Variants in STK39 observed in about 807,000 individuals in gnomAD.
STK39 encodes the protein STE20/SPS1-related proline-alanine-rich protein kinase.
A neutral mutation model predicts 77.8 loss-of-function variants in STK39; 20 were observed. That is an observed-to-expected ratio of 0.26 (90% CI 0.18 to 0.37). STK39 has a LOEUF of 0.37. STK39 is among the 10% of genes least tolerant of loss of function. The pLI is 1.00. For synonymous variants in STK39, 246 were observed against 234.1 expected, an observed-to-expected ratio of 1.05 and a Z score of -0.47; for missense variants, 479 against 656.5, an observed-to-expected ratio of 0.73 and a Z score of 2.95.
chr2:167,982,586 T>C (rs1423372275), intron 16 of STK39, among the ~76,000 whole-genome samples: 1 of 152,230 alleles, frequency 6.6e-6, no homozygotes, highest in Non-Finnish European at 1.5e-5. Flanking sequence ...GGATGATAAA[T>C]TGATGTGGTC....
Position 168,112,497 on chromosome 2 carries a change from T to C in STK39, c.1089+17044A>G, listed in dbSNP as rs1051938481. Among the ~76,000 whole-genome samples the C allele has an allele frequency of 3.9e-5, 6 of 152,176 alleles. No individual in the cohort carries two copies. The East Asian group carries it at 7.7e-4, about 20-fold the overall frequency. ...CCCTTCTCTCTCTCTCCTGCTGCCA[T>C]GTAAGATGCGTCTTGCTTCCCCTTC... On this transcript the variant is annotated intron_variant, in intron 10 of 17. Transcript: ENST00000355999.
At chr2:168,219,149 G>C (rs527854589) in intron 1 of STK39, among the ~76,000 whole-genome samples, 3 of 152,046 alleles carry the variant, frequency 2.0e-5, no homozygotes, top group Admixed American at 2.0e-4. Flanking sequence ...GGTCAGGCGC[G>C]GTGGCTCATG....
chr2:168,222,014 T>G (rs999884934), intron 1 of STK39, among the ~76,000 whole-genome samples: 2 of 152,162 alleles, frequency 1.3e-5, no homozygotes, highest in Non-Finnish European at 1.5e-5. Flanking sequence ...CTAACCCACA[T>G]GGCACCTTGA....
intron 10 of STK39, among the ~76,000 whole-genome samples, chr2:168,095,623 C>CTTTTTTTTT (rs567675524): frequency 1.7e-5 from 2 of 116,078 alleles, no homozygotes; most frequent in Non-Finnish European, 3.3e-5. Flanking sequence ...GTATCTCTTT[C>CTTTTTTTTT]TTTTTTTTTT....
intron 16 of STK39, among the ~76,000 whole-genome samples, chr2:167,976,933 T>A (rs1169529313): frequency 2.6e-5 from 4 of 152,156 alleles, no homozygotes; most frequent in African/African-American, 9.7e-5. Context: ...GAAGAACCCA[T>A]TGGGATGGTT....
chr2:168,079,313 C>G (rs1303910974), intron 10 of STK39, among the ~76,000 whole-genome samples: 1 of 152,240 alleles, frequency 6.6e-6, no homozygotes, highest in East Asian at 1.9e-4. Flanking sequence ...CTCTACTCCT[C>G]AGCATGCAAG....
At chr2:168,092,858 C>T (rs1559093362) in intron 10 of STK39, among the ~76,000 whole-genome samples, 2 of 152,158 alleles carry the variant, frequency 1.3e-5, no homozygotes, top group Admixed American at 6.5e-5. Flanking sequence ...AAATTCAGAA[C>T]ACGGAAGAGA....
chr2:168,034,876 C>A (rs1684912785), intron 14 of STK39, among the ~76,000 whole-genome samples: 1 of 152,154 alleles, frequency 6.6e-6, no homozygotes, highest in East Asian at 1.9e-4. Context: ...ACTGAGCCAA[C>A]TGGGAGAAAA....
At position 168,145,821 on chromosome 2, in the gene STK39, T is replaced by C. The variant is rs373936170; in HGVS notation, c.629-5063A>G. 7.2e-5 allele frequency among the ~76,000 whole-genome samples: 11 copies of C among 152,126 alleles called. No individual in the cohort carries two copies. In the East Asian group the frequency reaches 1.2e-3, roughly 16 times the overall value. On this transcript the variant is annotated intron_variant, in intron 5 of 17. Coordinates refer to ENST00000355999, the MANE Select transcript of STK39 (RefSeq NM_013233.3). ...ATGCCAGAGGCAGCTGCTGGAAGTA[T>C]TTCTATTATCCAAATCTAAATATAG...
chr2:168,156,502 G>T (rs1337859432), intron 5 of STK39, among the ~76,000 whole-genome samples: 1 of 152,156 alleles, frequency 6.6e-6, no homozygotes, highest in East Asian at 1.9e-4. Flanking sequence ...AACACGGCAG[G>T]AGGTCAGATG....
intron 14 of STK39, among the ~76,000 whole-genome samples, chr2:168,043,407 A>T (rs535814405): frequency 6.6e-6 from 1 of 152,228 alleles, no homozygotes. Context: ...CCCCAGTAAC[A>T]GAATCAATTA....
intron 14 of STK39, among the ~76,000 whole-genome samples, chr2:168,017,305 A>T (rs1402706172): frequency 6.6e-6 from 1 of 152,098 alleles, no homozygotes; most frequent in Non-Finnish European, 1.5e-5. Flanking sequence ...CCTTATATAA[A>T]CATGCTTATA....
chr2:168,218,710 CA>C (rs1295064345), intron 1 of STK39, among the ~76,000 whole-genome samples: 1 of 152,230 alleles, frequency 6.6e-6, no homozygotes, highest in African/African-American at 2.4e-5. Context: ...CCTCCACCCC[CA>C]AAAAAATCAA....
At chr2:168,073,382 A>G (rs973659006) in intron 12 of STK39, among the ~76,000 whole-genome samples, 5 of 152,222 alleles carry the variant, frequency 3.3e-5, no homozygotes, top group Non-Finnish European at 5.9e-5. Flanking sequence ...TGCTACTTTA[A>G]CCATGTTATG....
chr2:167,980,292 AG>A (rs1559042500), intron 16 of STK39, among the ~76,000 whole-genome samples: 1 of 152,202 alleles, frequency 6.6e-6, no homozygotes, highest in Non-Finnish European at 1.5e-5. Context: ...CTAATCAGTG[AG>A]AAGAAATATG....
intron 2 of STK39, among the ~76,000 whole-genome samples, chr2:168,174,234 T>A (rs1688899645): frequency 6.6e-6 from 1 of 152,118 alleles, no homozygotes; most frequent in South Asian, 2.1e-4. Flanking sequence ...TTATAAAAAG[T>A]GTAAAGTGTC....
chr2:168,028,863 C>T (rs1334142586), intron 14 of STK39, among the ~76,000 whole-genome samples: 1 of 152,138 alleles, frequency 6.6e-6, no homozygotes. Flanking sequence ...AAGACATGAA[C>T]CTAATATGTG....
chr2:167,960,040 T>C (rs1691905973), intron 17 of STK39, among the ~76,000 whole-genome samples: 3 of 152,166 alleles, frequency 2.0e-5, no homozygotes, highest in Admixed American at 2.0e-4. Flanking sequence ...ATGCCACTCT[T>C]CTATTTCATG....
intron 16 of STK39, among the ~76,000 whole-genome samples, chr2:168,002,556 A>G (rs1368076665): frequency 1.3e-5 from 2 of 152,186 alleles, no homozygotes; most frequent in African/African-American, 4.8e-5. Flanking sequence ...TCACAGCTTA[A>G]GCTTCTGATT....
Sources: gnomAD v4.1 joint callset for allele counts (sites outside exome capture counted in the v4.1 genomes callset) on GRCh38, gnomAD v4.1.1 for gene constraint, MANE v1.5 for transcripts, NCBI Gene and HGNC (gene_info 2026-07-23, HGNC 2026-07-21) for gene names.